GDA: variants seen among roughly 807,000 people sequenced by gnomAD.
GDA encodes the protein cytoplasmic PSD-95 interactor.
In GDA, 18 loss-of-function variants were observed where a neutral mutation model predicts 59.6. That is an observed-to-expected ratio of 0.30 (90% CI 0.21 to 0.45). The LOEUF (loss-of-function observed/expected upper bound fraction) is 0.45. Ranked by LOEUF, GDA falls within the 20% of genes least tolerant of loss-of-function variation. The pLI is 1.00. For missense variants in GDA, 427 were observed against 552.3 expected (o/e 0.77, Z 2.27); for synonymous variants, 201 against 201.1 (o/e 1.00, Z 0.00).
intron 1 of GDA, among the ~76,000 whole-genome samples, chr9:72,195,098 G>T (rs1159119616): frequency 6.6e-6 from 1 of 152,212 alleles, no homozygotes; most frequent in Non-Finnish European, 1.5e-5. Flanking sequence ...TACCATGACT[G>T]CTCACCTGAT....
At chr9:72,163,263 CAT>C (rs1828875857) in intron 1 of GDA, among the ~76,000 whole-genome samples, 1 of 152,080 alleles carries the variant, frequency 6.6e-6, no homozygotes, top group South Asian at 2.1e-4. Flanking sequence ...TCAAATAAAA[CAT>C]AGAGACAAAT....
At chr9:72,227,149 G>A (rs771947144) in intron 8 of GDA, among the ~76,000 whole-genome samples, 4 of 152,066 alleles carry the variant, frequency 2.6e-5, no homozygotes, top group Non-Finnish European at 4.4e-5. Context: ...TCACTGAACC[G>A]TGCCTCTCAA....
intron 4 of GDA, 102 bp from the exon 5 acceptor site, chr9:72,213,784 A>C: frequency 4.5e-6 from 3 of 669,066 alleles, no homozygotes; most frequent in Non-Finnish European, 7.6e-6. Context: ...GCCTGGGCTA[A>C]ACAGCGGGAC....
intron 1 of GDA, among the ~76,000 whole-genome samples, chr9:72,172,377 G>A (rs190048958): frequency 3.2e-4 from 49 of 152,142 alleles, no homozygotes; most frequent in Non-Finnish European, 6.6e-4. Context: ...GTTCTTCTGA[G>A]GAATTATTAG....
At chr9:72,143,413 G>A (rs1412131049) in intron 1 of GDA, among the ~76,000 whole-genome samples, 6 of 152,090 alleles carry the variant, frequency 3.9e-5, no homozygotes, top group African/African-American at 1.4e-4. Flanking sequence ...ACAGGCATGA[G>A]CCACCACACC....
At chr9:72,244,187 A>G (rs183298876) in intron 11 of GDA, among the ~76,000 whole-genome samples, 123 of 152,104 alleles carry the variant, frequency 8.1e-4, no homozygotes, top group African/African-American at 2.8e-3. Context: ...AAAAAAAAAA[A>G]AAAGAAAGAA....
intron 13 of GDA, 61 bp downstream of exon 13, chr9:72,247,494 G>T: frequency 2.3e-6 from 2 of 873,022 alleles, no homozygotes; most frequent in Non-Finnish European, 3.8e-6. Context: ...TCTTTTTCTT[G>T]GGTATGGCTC....
intron 1 of GDA, among the ~76,000 whole-genome samples, chr9:72,143,832 T>C (rs1826527768): frequency 6.6e-6 from 1 of 152,252 alleles, no homozygotes. Context: ...GGTGATAATA[T>C]ATCTGGATAG....
At chr9:72,207,682 T>G (rs751385920) in intron 3 of GDA, among the ~76,000 whole-genome samples, 16 of 152,204 alleles carry the variant, frequency 1.1e-4, no homozygotes, top group Non-Finnish European at 1.8e-4. Flanking sequence ...GTTCTAAACA[T>G]CCTCTGCTGG....
At chr9:72,217,323 A>G (rs941190652) in intron 5 of GDA, among the ~76,000 whole-genome samples, 1 of 152,080 alleles carries the variant, frequency 6.6e-6, no homozygotes, top group South Asian at 2.1e-4. Context: ...GCTCTCTGTG[A>G]TTTTCTCCTG....
intron 1 of GDA, among the ~76,000 whole-genome samples, chr9:72,120,836 G>C (rs1228431643): frequency 6.6e-6 from 1 of 152,134 alleles, no homozygotes; most frequent in Non-Finnish European, 1.5e-5. Flanking sequence ...TCGGGAAACA[G>C]AAGGCAGCAG....
intron 10 of GDA, among the ~76,000 whole-genome samples, chr9:72,231,552 G>A (rs1838354611): frequency 1.3e-5 from 2 of 150,654 alleles, no homozygotes; most frequent in South Asian, 2.1e-4. Context: ...GTGACAGAGC[G>A]AGACTCTGTC....
At chr9:72,193,894 G>T in intron 1 of GDA, 1 of 132,864 alleles carries the variant, frequency 7.5e-6, no homozygotes, top group Non-Finnish European at 1.5e-5. Context: ...CTTTTTGAAG[G>T]TGGAGGAGCC....
At chr9:72,194,525 C>T (rs912123526) in intron 1 of GDA, among the ~76,000 whole-genome samples, 5 of 152,060 alleles carry the variant, frequency 3.3e-5, no homozygotes, top group Admixed American at 6.5e-5. Context: ...CTCCTCTCCT[C>T]GAGTGGAAGG....
chr9:72,120,646 A>T (rs915902138), intron 1 of GDA, among the ~76,000 whole-genome samples: 3 of 152,216 alleles, frequency 2.0e-5, no homozygotes, highest in Non-Finnish European at 4.4e-5. Context: ...AGTAAGCATA[A>T]AATGTGACAT....
At chr9:72,210,073 C>T (rs1288044234) in intron 3 of GDA, among the ~76,000 whole-genome samples, 1 of 152,170 alleles carries the variant, frequency 6.6e-6, no homozygotes, top group Non-Finnish European at 1.5e-5. Flanking sequence ...ATCATACCTG[C>T]ATAGACTTCC....
chr9:72,136,135 A>G (rs1454721065), intron 1 of GDA, among the ~76,000 whole-genome samples: 1 of 152,204 alleles, frequency 6.6e-6, no homozygotes, highest in Non-Finnish European at 1.5e-5. Context: ...AGCAACTCTT[A>G]CTATAAATAG....
intron 13 of GDA, 22 bp downstream of exon 13, chr9:72,247,455 T>C (rs1316095179): frequency 3.2e-6 from 4 of 1,265,688 alleles, no homozygotes; most frequent in South Asian, 2.4e-5. Flanking sequence ...CATGTCTCTA[T>C]GCTAAATATT....
At position 72,248,650 on chromosome 9, in the gene GDA, C is replaced by T. The variant is rs1416713017; in HGVS notation, c.*308C>T. 7.5e-6 allele frequency: 8 copies of T among 1,069,570 alleles called. No individual in the cohort carries two copies. In the East Asian group the frequency reaches 2.0e-4, roughly 26 times the overall value. The allele number at this position is 1,069,570 out of a possible 1,614,324, so 66.3% of individuals were successfully genotyped here. A position where few individuals can be genotyped will look rare whatever the true frequency, so the allele number is the denominator to read the frequency against. On this transcript the variant is annotated 3_prime_UTR_variant, in exon 14 of 14. Transcript: ENST00000358399. ...TCCTACGGTAAGACTTAAGCAAAGC[C>T]TTTTTCATATTTGAAAATGTGGAAA...
Sources: gnomAD v4.1 joint callset for allele counts (sites outside exome capture counted in the v4.1 genomes callset) on GRCh38, gnomAD v4.1.1 for gene constraint, MANE v1.5 for transcripts, NCBI Gene and HGNC (gene_info 2026-07-23, HGNC 2026-07-21) for gene names.